Variants in GIGYF1 observed in about 807,000 individuals in gnomAD.
GIGYF1 encodes the protein GRB10-interacting GYF protein 1.
In GIGYF1, 84 loss-of-function variants were observed where a neutral mutation model predicts 147.1. The ratio of observed to expected loss-of-function variants is 0.57; its 90% CI spans 0.48 to 0.68. The LOEUF is 0.68. GIGYF1 is among the 30% of genes least tolerant of loss of function. The probability of loss-of-function intolerance (pLI) is 0.00; values close to 1 mark genes in which losing one functional copy is unlikely to be tolerated. For synonymous variants in GIGYF1, 752 were observed against 589.5 expected (o/e 1.28, Z -3.99); for missense variants, 1,485 against 1,393.7 (o/e 1.07, Z -1.04).
intron 18 of GIGYF1, 22 bp downstream of exon 18, chr7:100,683,998 A>G: frequency 1.2e-6 from 1 of 835,664 alleles, no homozygotes; most frequent in Non-Finnish European, 1.9e-6. Context: ...CTGTATCCTG[A>G]GGGCTCGCAC....
chr7:100,693,360 C>A (rs1432650397), intron 1 of GIGYF1, among the ~76,000 whole-genome samples: 2 of 151,976 alleles, frequency 1.3e-5, no homozygotes, highest in African/African-American at 4.8e-5. Flanking sequence ...CACGGAGGGG[C>A]ATGAGCTGAG....
At chr7:100,685,006 C>G in intron 14 of GIGYF1, 43 bp downstream of exon 14, 2 of 1,555,506 alleles carry the variant, frequency 1.3e-6, no homozygotes, top group East Asian at 2.4e-5. Flanking sequence ...CAGGTCAGGT[C>G]AGAAGTGGGA....
In GIGYF1 at chr7:100,687,118, C is replaced by T. The variant is rs536118828; in HGVS notation, c.483-72G>A. 2.2e-5 allele frequency: 35 copies of T among 1,591,744 alleles called. No homozygotes were observed. In the African/African-American group the frequency reaches 3.4e-4, roughly 15 times the overall value. On this transcript the variant is annotated intron_variant, in intron 8 of 26. Transcript: ENST00000678049. ...GCCACCCTGTGCAACCGCCCCATGC[C>T]TTGTCCACTGTGCCCTGAGGCAGTG...
rs149131812 is a variant in GIGYF1 at position 100,682,096 on chromosome 7, G to A, written c.2901C>T (p.Ala967=). 1.5e-4 allele frequency: 249 copies of A among 1,613,548 alleles called. No individual in the cohort carries two copies. The African/African-American group carries it at 3.0e-3, about 19-fold the overall frequency. The change falls in exon 25 of 27, where the codon GCC becomes GCT. Residue 967 remains alanine (A), a synonymous_variant. Coordinates refer to ENST00000678049, the MANE Select transcript of GIGYF1 (RefSeq NM_001375765.1). The part of the protein sequence containing the change: ...QFLERRAKQK[A]SQQRQQQQEA... ...CCTGCTGCTGCTGCCGCTGCTGGCT[G>A]GCTTTCTGCTTGGCCCTCCGCTCCA...
chr7:100,684,012 C>G lies in GIGYF1; in HGVS notation c.1868+8G>C. 6.2e-7 allele frequency: 1 copy of G among 1,603,102 alleles called. No individual in the cohort carries two copies. Among genetic ancestry groups the G allele is most frequent in the Non-Finnish European group, 8.5e-7 (1 of 1,178,562 alleles). On this transcript the variant is annotated splice_region_variant and intron_variant, in intron 18 of 26. Coordinates refer to ENST00000678049, the MANE Select transcript of GIGYF1 (RefSeq NM_001375765.1). ...CCTGTATCCTGAGGGCTCGCACGCA[C>G]CACGCACCTGGGGGGTTTGAGCGCC...
Position 100,687,341 on chromosome 7 carries a change from G to T in GIGYF1, c.439C>A (p.Arg147=). 3 of 1,613,262 alleles carry T rather than the reference G, an allele frequency of 1.9e-6. No individual in the cohort carries two copies. Among genetic ancestry groups the T allele is most frequent in the South Asian group, 2.2e-5 (2 of 91,086 alleles). The change falls in exon 8 of 27, where the codon CGA becomes AGA. Residue 147 remains arginine, a synonymous_variant. Coordinates refer to ENST00000678049, the MANE Select transcript of GIGYF1 (RefSeq NM_001375765.1). ...CTGCGCTGGATTTCCCGGGGGCTTC[G>T]TCCAAAGGCCCCATCGCCTTCTTCG... The part of the protein sequence containing the change: ...SIEEGDGAFG[R]SPREIQRSQS...
chr7:100,682,076 T>C lies in GIGYF1; in HGVS notation c.2921A>G (p.Gln974Arg), dbSNP rs537294148. The C allele has an allele frequency of 9.9e-6, 16 of 1,612,812 alleles. No individual in the cohort carries two copies. In the African/African-American group the frequency reaches 2.0e-4, roughly 20 times the overall value. The stretch of plus-strand genomic sequence containing the variant: ...TGCTGGTGCCGGCTGCCTCACCTGC[T>C]GCTGCTGCCGCTGCTGGCTGGCTTT... Reference protein sequence around the residue: ...KQKASQQRQQQQEAWLSSASL... With the variant: ...KQKASQQRQQRQEAWLSSASL... The change falls in exon 25 of 27, where the codon CAG becomes CGG. Residue 974 changes from glutamine to arginine, a missense_variant. By Grantham distance (43) the Gln-to-Arg change is conservative (BLOSUM62 1). Transcript: ENST00000678049.
intron 14 of GIGYF1, 61 bp from the exon 15 acceptor site, chr7:100,684,955 A>ATGGGGATGGAGCTTGAGC: frequency 6.3e-7 from 1 of 1,586,876 alleles, no homozygotes; most frequent in South Asian, 1.1e-5. Flanking sequence ...CAGGATGGGG[A>ATGGGGATGGAGCTTGAGC]TGGGGATGGA....
rs552922915 is a variant in GIGYF1, at chr7:100,687,108, C to T, written c.483-62G>A. 23 of 1,600,666 alleles carry T rather than the reference C, an allele frequency of 1.4e-5. No homozygotes were observed. In the East Asian group the frequency reaches 1.6e-4, roughly 11 times the overall value. On this transcript the variant is annotated intron_variant, in intron 8 of 26. Coordinates refer to ENST00000678049, the MANE Select transcript of GIGYF1 (RefSeq NM_001375765.1). ...AGCCTCCCCTGCCACCCTGTGCAAC[C>T]GCCCCATGCCTTGTCCACTGTGCCC...
Position 100,682,639 on chromosome 7 carries a change from G to C in GIGYF1, c.2551C>G (p.Leu851Val), listed in dbSNP as rs1417007067. 2 of 1,597,738 alleles carry C rather than the reference G, an allele frequency of 1.3e-6. No individual in the cohort carries two copies. The highest frequency in any genetic ancestry group is 1.7e-6 in the Non-Finnish European group (2 of 1,174,578). Reference protein sequence around the residue: ...WEDTPKSGGSLVRGLGLKNSR... With the variant: ...WEDTPKSGGSVVRGLGLKNSR... ...TTCTTCAGGCCGAGGCCACGGACCA[G>C]GCTCCCGCCGCTCTTGGGGGTGTCC... The change falls in exon 23 of 27, where the codon CTG (leucine) becomes GTG (valine). Residue 851 changes from leucine (L) to valine (V), a missense_variant. By Grantham distance (32) the Leu-to-Val change is conservative (BLOSUM62 1). Transcript: ENST00000678049.
At chr7:100,686,498 T>G (rs1030587319) in intron 10 of GIGYF1, 65 bp from the exon 11 acceptor site, 183 of 1,529,450 alleles carry the variant, frequency 1.2e-4, no homozygotes, top group Middle Eastern at 5.3e-4. Context: ...CCCCCTCTGC[T>G]GCAGCTCACG....
In GIGYF1 at chr7:100,682,099, T is replaced by C. The variant is rs113810475; in HGVS notation, c.2898A>G (p.Lys966=). ...KQFLERRAKQ[K]ASQQRQQQQE... Reference sequence around the variant, plus strand: ...GCTGCTGCTGCCGCTGCTGGCTGGCTTTCTGCTTGGCCCTCCGCTCCAGGA... The same window carrying C: ...GCTGCTGCTGCCGCTGCTGGCTGGCCTTCTGCTTGGCCCTCCGCTCCAGGA... The change falls in exon 25 of 27, where the codon AAA becomes AAG. Residue 966 remains lysine (K), a synonymous_variant. Coordinates refer to ENST00000678049, the MANE Select transcript of GIGYF1 (RefSeq NM_001375765.1). 3 of 1,613,658 alleles carry C rather than the reference T, an allele frequency of 1.9e-6. No homozygotes were observed. The highest frequency in any genetic ancestry group is 8.5e-7 in the Non-Finnish European group (1 of 1,179,862).
intron 1 of GIGYF1, among the ~76,000 whole-genome samples, chr7:100,691,072 C>T (rs1805791559): frequency 6.6e-6 from 1 of 152,198 alleles, no homozygotes; most frequent in Non-Finnish European, 1.5e-5. Flanking sequence ...GGGTCTGGTG[C>T]CGGAAGCTGA....
chr7:100,694,045 T>TCGGGGGCGGGCCTGCC (rs1806048435), intron 1 of GIGYF1, 65 bp downstream of exon 1: 1 of 142,326 alleles, frequency 7.0e-6, no homozygotes, highest in African/African-American at 2.6e-5. Context: ...CGCCGCGGCG[T>TCGGGGGCGGGCCTGCC]CGGGGGCGGG....
rs897860628 is a variant in GIGYF1 at position 100,682,313 on chromosome 7, C to A, written c.2761+9G>T. On this transcript the variant is annotated intron_variant, in intron 24 of 26. Transcript: ENST00000678049. ...GGTCCCGCCCACCTCCTGGGAGCCG[C>A]TCGCCCACCGTCCAGGCTGCCCGTG... is the stretch of plus-strand genomic sequence containing the variant. 1 of 1,610,640 alleles carries A rather than the reference C, an allele frequency of 6.2e-7. No homozygotes were observed. Among genetic ancestry groups the A allele is most frequent in the Non-Finnish European group, 8.5e-7 (1 of 1,179,386 alleles).
intron 10 of GIGYF1, 78 bp from the exon 11 acceptor site, chr7:100,686,511 G>A: frequency 2.6e-6 from 4 of 1,522,524 alleles, no homozygotes; most frequent in Non-Finnish European, 3.5e-6. Context: ...AGCTCACGGA[G>A]CACCTCCAGG....
chr7:100,683,167 C>CG lies in GIGYF1; in HGVS notation c.2256dup (p.Ala753ArgfsTer68), dbSNP rs752141510. 8 of 1,602,912 alleles carry CG rather than the reference C, an allele frequency of 5.0e-6. No homozygotes were observed. Among genetic ancestry groups the CG allele is most frequent in the Non-Finnish European group, 2.5e-6 (3 of 1,178,198 alleles). Reference sequence around the variant, plus strand: ...CAGAGTGGGGGCGGGGAGCTGGGTGCGGGGGGCACAGGGACCGCCTGCTGC... The same window carrying CG: ...CAGAGTGGGGGCGGGGAGCTGGGTGCGGGGGGGCACAGGGACCGCCTGCTGC... On this transcript the variant is annotated frameshift_variant, in exon 22 of 27. Coordinates refer to ENST00000678049, the MANE Select transcript of GIGYF1 (RefSeq NM_001375765.1). LOFTEE classifies it high-confidence loss of function.
Position 100,686,944 on chromosome 7 carries a change from G to A in GIGYF1, c.523+62C>T, listed in dbSNP as rs190658540. On this transcript the variant is annotated intron_variant, in intron 9 of 26. Coordinates refer to ENST00000678049, the MANE Select transcript of GIGYF1 (RefSeq NM_001375765.1). The stretch of plus-strand genomic sequence containing the variant: ...AACACCTCCGAAATAAGCACCCCCA[G>A]ACTGGGCCACCCATCTTGGTCCTCC... 273 of 1,607,006 alleles carry A rather than the reference G, an allele frequency of 1.7e-4. 2 individuals carry two copies. The African/African-American group carries it at 3.2e-3, about 19-fold the overall frequency.
intron 1 of GIGYF1, among the ~76,000 whole-genome samples, chr7:100,690,939 C>G (rs1562887851): frequency 6.6e-6 from 1 of 151,892 alleles, no homozygotes; most frequent in Non-Finnish European, 1.5e-5. Flanking sequence ...TTCATGCAGA[C>G]TGAGGACAGC....
Sources: allele counts gnomAD v4.1 joint callset (sites outside exome capture counted in the v4.1 genomes callset), GRCh38; gene constraint gnomAD v4.1.1; transcripts MANE v1.5; gene names NCBI Gene and HGNC (gene_info 2026-07-23, HGNC 2026-07-21).